PRKACA: variants seen among roughly 807,000 people sequenced by gnomAD.
PRKACA encodes cAMP-dependent protein kinase catalytic subunit alpha.
In PRKACA, 9 loss-of-function variants were observed where a neutral mutation model predicts 45.8. The observed-to-expected ratio is 0.20, with a 90% CI of 0.12 to 0.34. The LOEUF (loss-of-function observed/expected upper bound fraction) is 0.34, where lower values mean the gene tolerates loss of function less well. Among genes scored for constraint, PRKACA ranks in the 10% least tolerant of loss-of-function variants. The pLI is 1.00. For synonymous variants in PRKACA, 160 were observed against 178.6 expected (o/e 0.90, Z 0.83); for missense variants, 238 against 458.6 (o/e 0.52, Z 4.39).
Position 14,093,323 on chromosome 19 carries a change from G to C in PRKACA, c.931-86C>G, listed in dbSNP as rs3729859. 22,255 of 1,522,092 alleles carry C rather than the reference G, an allele frequency of 0.015. 1,868 individuals are homozygous for C. The African/African-American group carries it at 0.22, about 15-fold the overall frequency. The allele number at this position is 1,522,092 out of a possible 1,614,324, so 94.3% of individuals were successfully genotyped here. ...TAAATGCGAATGGCCTAACATTCAA[G>C]AGATATTTACTCTGACTCAGGCCTG... On this transcript the variant is annotated intron_variant, in intron 9 of 9. Transcript: ENST00000308677.
chr19:14,092,979 G>C lies in PRKACA; in HGVS notation c.*133C>G. 8.4e-7 allele frequency: 1 copy of C among 1,197,156 alleles called. No homozygotes were observed. The highest frequency in any genetic ancestry group is 1.1e-6 in the Non-Finnish European group (1 of 888,096). The allele number at this position is 1,197,156 out of a possible 1,614,324, so 74.2% of individuals were successfully genotyped here. The stretch of plus-strand genomic sequence containing the variant: ...GGGCTTCCTGCTCCCCCTAACCCTG[G>C]AGGGTGGGGTGGGGGTGAAATTAGA... On this transcript the variant is annotated 3_prime_UTR_variant, in exon 10 of 10. Coordinates refer to ENST00000308677, the MANE Select transcript of PRKACA (RefSeq NM_002730.4).
chr19:14,107,004 C>T, intron 2 of PRKACA, 116 bp from the exon 3 acceptor site: 1 of 1,371,810 alleles, frequency 7.3e-7, no homozygotes, highest in Non-Finnish European at 1.0e-6. Context: ...CACGTGGGGT[C>T]AGCGGGGTGA....
intron 3 of PRKACA, among the ~76,000 whole-genome samples, chr19:14,103,493 G>A (rs948886859): frequency 2.6e-5 from 4 of 152,206 alleles, no homozygotes; most frequent in African/African-American, 7.2e-5. Flanking sequence ...AGAGGCCCAT[G>A]CTGGGAGTAC....
At chr19:14,102,421 C>G (rs1346581898) in intron 4 of PRKACA, among the ~76,000 whole-genome samples, 1 of 152,148 alleles carries the variant, frequency 6.6e-6, no homozygotes, top group African/African-American at 2.4e-5. Flanking sequence ...CCCATTTTAC[C>G]ATGAGAAAGC....
intron 5 of PRKACA, among the ~76,000 whole-genome samples, chr19:14,099,998 A>G (rs1309606925): frequency 2.0e-5 from 3 of 151,118 alleles, no homozygotes; most frequent in Non-Finnish European, 1.5e-5. Context: ...CCGCCATCAC[A>G]CCCGGCTAAT....
intron 1 of PRKACA, among the ~76,000 whole-genome samples, chr19:14,108,721 T>C (rs1977686715): frequency 6.7e-6 from 1 of 148,254 alleles, no homozygotes; most frequent in Non-Finnish European, 1.5e-5. Flanking sequence ...ATTTATTTTT[T>C]TTAATTATTA....
At chr19:14,104,229 C>T (rs908270494) in intron 3 of PRKACA, among the ~76,000 whole-genome samples, 4 of 146,932 alleles carry the variant, frequency 2.7e-5, no homozygotes, top group Non-Finnish European at 6.0e-5. Context: ...CCCTGCTACT[C>T]GGGAGGCTGA....
chr19:14,114,446 T>C (rs1262594917), intron 1 of PRKACA, among the ~76,000 whole-genome samples: 1 of 152,084 alleles, frequency 6.6e-6, no homozygotes, highest in East Asian at 1.9e-4. Flanking sequence ...TTTGGCCGTC[T>C]TAGGCATCCA....
chr19:14,114,061 G>A lies in PRKACA; in HGVS notation c.46+3441C>T. ...TCTCTTCGCCTGTGCCCCAGACCCC[G>A]CTGCAGCCCCTCCCTGACTTAAGGG... is the stretch of plus-strand genomic sequence containing the variant. On this transcript the variant is annotated intron_variant, in intron 1 of 9. Transcript: ENST00000308677. 3.3e-6 allele frequency: 5 copies of A among 1,520,614 alleles called. No homozygotes were observed. The South Asian group carries it at 5.9e-5, about 18-fold the overall frequency. 94.2% of individuals were successfully genotyped at this position (1,520,614 alleles called of 1,614,324 possible). A position where few individuals can be genotyped will look rare whatever the true frequency, so the allele number is the denominator to read the frequency against.
chr19:14,114,138 G>T (rs376122267), intron 1 of PRKACA: 57 of 1,611,196 alleles, frequency 3.5e-5, no homozygotes, highest in Non-Finnish European at 4.8e-5. Flanking sequence ...CCTCACCATC[G>T]CTGGAGTTGG....
chr19:14,115,828 C>T (rs1967093598), intron 1 of PRKACA, among the ~76,000 whole-genome samples: 1 of 152,172 alleles, frequency 6.6e-6, no homozygotes, highest in South Asian at 2.1e-4. Flanking sequence ...CCTGCCTCTA[C>T]CTTCCACCTC....
intron 4 of PRKACA, among the ~76,000 whole-genome samples, chr19:14,101,688 C>T (rs951316270): frequency 1.3e-5 from 2 of 151,744 alleles, no homozygotes. Context: ...TGGGGAAACC[C>T]TGTCTCTACT....
At position 14,093,042 on chromosome 19, in the gene PRKACA, A is replaced by ATCCC; in HGVS notation, c.*69_*70insGGGA. ...TGGGGCCCTCTGGCTGTTCAATCCA[A>ATCCC]CCCTCCCACCCCCCCGACCAAAAAA... On this transcript the variant is annotated 3_prime_UTR_variant, in exon 10 of 10. Transcript: ENST00000308677. The ATCCC allele has an allele frequency of 5.6e-6, 1 of 179,798 alleles. No homozygotes were observed. The highest frequency in any genetic ancestry group is 4.5e-5 in the South Asian group (1 of 22,018). 11.1% of individuals were successfully genotyped at this position (179,798 alleles called of 1,614,324 possible). A position where few individuals can be genotyped will look rare whatever the true frequency, so the allele number is the denominator to read the frequency against.
chr19:14,093,041 A>ATGG lies in PRKACA; in HGVS notation c.*70_*71insCCA. On this transcript the variant is annotated 3_prime_UTR_variant, in exon 10 of 10. Transcript: ENST00000308677. Reference sequence around the variant, plus strand: ...CTGGGGCCCTCTGGCTGTTCAATCCAACCCTCCCACCCCCCCGACCAAAAA... The same window carrying ATGG: ...CTGGGGCCCTCTGGCTGTTCAATCCATGGACCCTCCCACCCCCCCGACCAAAAA... 4 of 500,020 alleles carry ATGG rather than the reference A, an allele frequency of 8.0e-6. No individual in the cohort carries two copies. Among genetic ancestry groups the ATGG allele is most frequent in the East Asian group, 3.4e-5 (1 of 29,536 alleles). The allele number at this position is 500,020 out of a possible 1,614,324, so 31.0% of individuals were successfully genotyped here. A position where few individuals can be genotyped will look rare whatever the true frequency, so the allele number is the denominator to read the frequency against.
chr19:14,103,021 C>T (rs1977492438), intron 3 of PRKACA, 107 bp from the exon 4 acceptor site: 1 of 891,528 alleles, frequency 1.1e-6, no homozygotes, highest in African/African-American at 1.6e-5. Context: ...GTTCCTTCAG[C>T]CAGAATCATT....
At chr19:14,117,251 G>T (rs1053209856) in intron 1 of PRKACA, among the ~76,000 whole-genome samples, 11 of 151,816 alleles carry the variant, frequency 7.2e-5, no homozygotes, top group African/African-American at 2.4e-4. Flanking sequence ...GGTCATACGT[G>T]CCATGGTTGG....
At chr19:14,104,100 G>A (rs1977526855) in intron 3 of PRKACA, among the ~76,000 whole-genome samples, 1 of 152,164 alleles carries the variant, frequency 6.6e-6, no homozygotes, top group African/African-American at 2.4e-5. Context: ...CACTTTGAGA[G>A]GCCGAGGCAG....
chr19:14,093,041 A>ATGGCGCC lies in PRKACA; in HGVS notation c.*70_*71insGGCGCCA. On this transcript the variant is annotated 3_prime_UTR_variant, in exon 10 of 10. Coordinates refer to ENST00000308677, the MANE Select transcript of PRKACA (RefSeq NM_002730.4). ...CTGGGGCCCTCTGGCTGTTCAATCC[A>ATGGCGCC]ACCCTCCCACCCCCCCGACCAAAAA... The ATGGCGCC allele has an allele frequency of 2.0e-6, 1 of 500,030 alleles. No homozygotes were observed. The highest frequency in any genetic ancestry group is 3.6e-6 in the Non-Finnish European group (1 of 278,314). 31.0% of individuals were successfully genotyped at this position (500,030 alleles called of 1,614,324 possible).
At position 14,093,046 on chromosome 19, in the gene PRKACA, T is replaced by G. The variant is rs908555565; in HGVS notation, c.*66A>C. 29 of 85,274 alleles carry G rather than the reference T, an allele frequency of 3.4e-4. No homozygotes were observed. The highest frequency in any genetic ancestry group is 6.2e-4 in the Non-Finnish European group (28 of 45,314). 5.3% of individuals were successfully genotyped at this position (85,274 alleles called of 1,614,324 possible). The stretch of plus-strand genomic sequence containing the variant: ...GCCCTCTGGCTGTTCAATCCAACCC[T>G]CCCACCCCCCCGACCAAAAAAAAGA... On this transcript the variant is annotated 3_prime_UTR_variant, in exon 10 of 10. Transcript: ENST00000308677.
Sources: allele counts gnomAD v4.1 joint callset (sites outside exome capture counted in the v4.1 genomes callset), GRCh38; gene constraint gnomAD v4.1.1; transcripts MANE v1.5; gene names NCBI Gene and HGNC (gene_info 2026-07-23, HGNC 2026-07-21).